The following CHD1L variants were observed in gnomAD, a reference collection of about 807,000 sequenced individuals.
CHD1L encodes ATP-dependent chromatin remodeler CHD1L.
Under a neutral mutation model 115.9 loss-of-function variants are expected in CHD1L, and 118 were observed. That is an observed-to-expected ratio of 1.02 (90% confidence interval 0.88 to 1.19). CHD1L has a LOEUF of 1.19. Among genes scored for constraint, CHD1L ranks in the 50% most tolerant of loss-of-function variants. The pLI, the probability that CHD1L is intolerant of heterozygous loss-of-function variation, is 0.00. For missense variants in CHD1L, 1,179 were observed against 1,065.3 expected (o/e 1.11, Z -1.49); for synonymous variants, 411 against 387.1 (o/e 1.06, Z -0.72).
chr1:147,242,110 T>A (rs1571508576), upstream of CHD1L, among the ~76,000 whole-genome samples: 1 of 152,200 alleles, frequency 6.6e-6, no homozygotes, highest in East Asian at 1.9e-4. Context: ...ATTGCCTCAA[T>A]CTGCTCCCCA....
In CHD1L at chr1:147,276,163, AAGC is replaced by A; in HGVS notation, c.1449_1451del (p.Ala484del). On this transcript the variant is annotated inframe_deletion, in exon 14 of 23. Transcript: ENST00000369258. ...ACTGTGGAAGAAATAGTCTATAGGA[AAGC>A]AGCCTCCAAACTGCAGCTCACCAAC... The A allele has an allele frequency of 6.2e-7, 1 of 1,614,176 alleles. No individual in the cohort carries two copies. Among genetic ancestry groups the A allele is most frequent in the Non-Finnish European group, 8.5e-7 (1 of 1,179,994 alleles).
intron 1 of CHD1L, among the ~76,000 whole-genome samples, chr1:147,250,517 C>G (rs1263615708): frequency 6.6e-6 from 1 of 152,102 alleles, no homozygotes; most frequent in Non-Finnish European, 1.5e-5. Flanking sequence ...TTGTGGCTCC[C>G]TCCTGAGTCT....
At chr1:147,192,010 A>C in the CHD1L span, among the ~76,000 whole-genome samples, 1 of 152,088 alleles carries the variant, frequency 6.6e-6, no homozygotes, top group African/African-American at 2.4e-5. Flanking sequence ...TTTTGGTTCC[A>C]TATGAACTTT....
the CHD1L span, among the ~76,000 whole-genome samples, chr1:147,223,395 A>C: frequency 6.6e-6 from 1 of 152,250 alleles, no homozygotes; most frequent in African/African-American, 2.4e-5. Flanking sequence ...TTTCGGTTCA[A>C]CTAAGAAATG....
At position 147,276,140 on chromosome 1, in the gene CHD1L, T is replaced by C. The variant is rs781785569; in HGVS notation, c.1422T>C (p.Thr474=). 3 of 1,614,150 alleles carry C rather than the reference T, an allele frequency of 1.9e-6. No individual in the cohort carries two copies. The South Asian group carries it at 3.3e-5, about 18-fold the overall frequency. ...VKVIRLIGRD[T]VEEIVYRKAA... ...TTATTCGGCTGATTGGTCGAGACAC[T>C]GTGGAAGAAATAGTCTATAGGAAAG... is the stretch of plus-strand genomic sequence containing the variant. The change falls in exon 14 of 23, where the codon ACT becomes ACC. Residue 474 remains threonine (T), a synonymous_variant. Transcript: ENST00000369258.
chr1:147,208,650 G>A, the CHD1L span: 1 of 459,702 alleles, frequency 2.2e-6, no homozygotes, highest in Non-Finnish European at 4.0e-6. Flanking sequence ...TGTTGGCCAG[G>A]ATGGTCTCAA....
rs36068896 is a variant in CHD1L, at chr1:147,254,879, C to T, written c.250C>T (p.Leu84Phe). The T allele has an allele frequency of 1.9e-6, 3 of 1,602,208 alleles. No individual in the cohort carries two copies. Among genetic ancestry groups the T allele is most frequent in the Non-Finnish European group, 2.6e-6 (3 of 1,175,968 alleles). Residue 84 changes from leucine (L) to phenylalanine (F), a missense_variant, in exon 3 of 23, where the codon CTC becomes TTC. Leu to Phe is a conservative substitution (Grantham distance 22). Transcript: ENST00000369258. ...TTTTTCTGTGTTCCAGACTATTGCT[C>T]TCTTCATTTATTTGGCAGGAAGATT... The part of the protein sequence containing the change: ...GLGKTCQTIA[L>F]FIYLAGRLND...
At chr1:147,274,322 CATT>C (rs1211971654) in intron 12 of CHD1L, among the ~76,000 whole-genome samples, 2 of 152,162 alleles carry the variant, frequency 1.3e-5, no homozygotes, top group Non-Finnish European at 2.9e-5. Context: ...GTGTCATTAT[CATT>C]ATTATTAGGT....
At chr1:147,212,810 G>GA in the CHD1L span, among the ~76,000 whole-genome samples, 1 of 152,188 alleles carries the variant, frequency 6.6e-6, no homozygotes, top group South Asian at 2.1e-4. Context: ...AACTGCCTCA[G>GA]AAAACCTCCA....
chr1:147,232,080 C>A, the CHD1L span, among the ~76,000 whole-genome samples: 7 of 152,202 alleles, frequency 4.6e-5, no homozygotes, highest in African/African-American at 9.7e-5. Context: ...CTCCACCCCC[C>A]AGAGGCCACT....
Position 147,252,657 on chromosome 1 carries a change from A to G in CHD1L, c.162A>G (p.Val54=). The G allele has an allele frequency of 6.2e-7, 1 of 1,614,084 alleles. No homozygotes were observed. Among genetic ancestry groups the G allele is most frequent in the East Asian group, 2.2e-5 (1 of 44,868 alleles). ...TACGCTCTTACCAGCTGGAGGGAGT[A>G]AACTGGCTCGCCCAGCGCTTCCATT... ...IHLRSYQLEG[V]NWLAQRFHCQ... Residue 54 remains valine, a synonymous_variant, in exon 2 of 23, where the codon GTA becomes GTG. Transcript: ENST00000369258.
At position 147,294,438 on chromosome 1, in the gene CHD1L, G is replaced by A. The variant is rs1553974486; in HGVS notation, c.2536G>A (p.Ala846Thr). The change falls in exon 22 of 23, where the codon GCC (alanine) becomes ACC (threonine). Residue 846 changes from alanine (A) to threonine (T), a missense_variant. By Grantham distance (58) the Ala-to-Thr change is moderately conservative. Transcript: ENST00000369258. The stretch of plus-strand genomic sequence containing the variant: ...TGTTCATCTTCCACGTATTGGACAT[G>A]CCACGAAAGGTTTTAACTGGTATGG... ...ASVHLPRIGH[A>T]TKGFNWYGTE... 1.9e-6 allele frequency: 3 copies of A among 1,612,450 alleles called. No individual in the cohort carries two copies. The highest frequency in any genetic ancestry group is 2.2e-5 in the South Asian group (2 of 90,800).
chr1:147,220,426 A>G, the CHD1L span, among the ~76,000 whole-genome samples: 9 of 152,326 alleles, frequency 5.9e-5, no homozygotes, highest in Non-Finnish European at 8.8e-5. Context: ...AAGCTATTTT[A>G]GAATCCAAGC....
chr1:147,173,936 T>G, the CHD1L span, among the ~76,000 whole-genome samples: 1 of 152,278 alleles, frequency 6.6e-6, no homozygotes, highest in Admixed American at 6.5e-5. Context: ...TACTGTTTAC[T>G]GTAATCCATT....
At chr1:147,250,498 G>T (rs1256220496) in intron 1 of CHD1L, among the ~76,000 whole-genome samples, 1 of 152,226 alleles carries the variant, frequency 6.6e-6, no homozygotes, top group African/African-American at 2.4e-5. Flanking sequence ...TGCTGGGTGA[G>T]GGTGGGAGTT....
chr1:147,230,717 T>G, the CHD1L span, among the ~76,000 whole-genome samples: 1 of 148,932 alleles, frequency 6.7e-6, no homozygotes, highest in Non-Finnish European at 1.5e-5. Context: ...GAGATTCAAC[T>G]TCTTCCCGGT....
chr1:147,278,859 C>G (rs587738913), intron 14 of CHD1L, among the ~76,000 whole-genome samples: 1 of 152,264 alleles, frequency 6.6e-6, no homozygotes, highest in Admixed American at 6.5e-5. Flanking sequence ...ACTCTCTAAC[C>G]TCCGAGCACA....
upstream of CHD1L, among the ~76,000 whole-genome samples, chr1:147,240,482 A>C (rs1352934950): frequency 6.6e-6 from 1 of 152,188 alleles, no homozygotes; most frequent in African/African-American, 2.4e-5. Context: ...GTGGGAAGGG[A>C]AAGACCTGAC....
chr1:147,215,852 G>T, the CHD1L span: 2 of 1,613,492 alleles, frequency 1.2e-6, no homozygotes. Context: ...TAATGATCTG[G>T]GATTGGATAG....
Sources: gnomAD v4.1 joint callset for allele counts (sites outside exome capture counted in the v4.1 genomes callset) on GRCh38, gnomAD v4.1.1 for gene constraint, MANE v1.5 for transcripts, NCBI Gene and HGNC (gene_info 2026-07-23, HGNC 2026-07-21) for gene names.